Variants in EIF4A2 observed in about 807,000 individuals in gnomAD.
EIF4A2 encodes eukaryotic initiation factor 4A-II.
In EIF4A2, 9 loss-of-function variants were observed where a neutral mutation model predicts 50.6. The ratio of observed to expected loss-of-function variants is 0.18; its 90% confidence interval spans 0.11 to 0.31. EIF4A2 has a LOEUF of 0.31. EIF4A2 is among the 10% of genes least tolerant of loss of function. EIF4A2 has a pLI of 1.00. For missense variants in EIF4A2, 182 were observed against 501.8 expected (o/e 0.36, Z 6.09); for synonymous variants, 215 against 164.4 (o/e 1.31, Z -2.35).
At chr3:186,788,827 T>C (rs1721945714) in intron 10 of EIF4A2, 2 of 308,120 alleles carry the variant, frequency 6.5e-6, no homozygotes, top group Admixed American at 4.8e-5. Context: ...TGGCCCACTT[T>C]GGTATGGGCT....
At position 186,784,966 on chromosome 3, in the gene EIF4A2, T is replaced by C. The variant is rs1721608092; in HGVS notation, c.213T>C (p.Tyr71=). The C allele has an allele frequency of 6.2e-7, 1 of 1,614,094 alleles. No individual in the cohort carries two copies. The highest frequency in any genetic ancestry group is 1.3e-5 in the African/African-American group (1 of 74,934). ...QRAIIPCIKG[Y]DVIAQAQSGT... The stretch of plus-strand genomic sequence containing the variant: ...TGTGTATCCTACTTTTTTTAGGGTA[T>C]GATGTGATTGCTCAAGCTCAGTCAG... The change falls in exon 4 of 11, where the codon TAT becomes TAC. Residue 71 remains tyrosine, a synonymous_variant. Coordinates refer to ENST00000323963, the MANE Select transcript of EIF4A2 (RefSeq NM_001967.4).
intron 4 of EIF4A2, 148 bp from the exon 5 acceptor site, chr3:186,785,735 G>C: frequency 3.0e-6 from 3 of 995,968 alleles, no homozygotes; most frequent in South Asian, 4.1e-5. Context: ...GCAGCAGTTA[G>C]GTCGTCTGCA....
rs1197096032 is a variant in EIF4A2, at chr3:186,787,895, CA to C, written c.1079+14del. 1.2e-6 allele frequency: 2 copies of C among 1,612,648 alleles called. No individual in the cohort carries two copies. The highest frequency in any genetic ancestry group is 1.7e-6 in the Non-Finnish European group (2 of 1,179,596). On this transcript the variant is annotated intron_variant, in intron 10 of 10. Coordinates refer to ENST00000323963, the MANE Select transcript of EIF4A2 (RefSeq NM_001967.4). The stretch of plus-strand genomic sequence containing the variant: ...ACTATATTCACAGGTGAGAAGCCAG[CA>C]TCTTGGCTGTATTGAAAAAAATTCA...
Position 186,787,850 on chromosome 3 carries a change from TCTAC to T in EIF4A2, c.1053_1056del (p.Thr352IlefsTer22). Reference sequence around the variant, plus strand: ...AAGTGTCTTTGGTTATAAATTATGATCTACCTACCAATCGTGAAAACTATATTCA... The same window carrying T: ...AAGTGTCTTTGGTTATAAATTATGATCTACCAATCGTGAAAACTATATTCA... On this transcript the variant is annotated frameshift_variant, in exon 10 of 11. Transcript: ENST00000323963. LOFTEE classifies it high-confidence loss of function. 6.2e-7 allele frequency: 1 copy of T among 1,613,870 alleles called. No individual in the cohort carries two copies. Among genetic ancestry groups the T allele is most frequent in the Non-Finnish European group, 8.5e-7 (1 of 1,179,962 alleles).
At position 186,783,581 on chromosome 3, in the gene EIF4A2, T is replaced by C. The variant is rs1344595321; in HGVS notation, c.-30T>C. 1.9e-6 allele frequency: 3 copies of C among 1,614,178 alleles called. No individual in the cohort carries two copies. The highest frequency in any genetic ancestry group is 2.2e-5 in the East Asian group (1 of 44,888). The stretch of plus-strand genomic sequence containing the variant: ...CGGGTGGTTGGGCGCCGCTGTCTTT[T>C]CAGTCGGGCGCTGAGTGGTTTTTCG... On this transcript the variant is annotated 5_prime_UTR_variant, in exon 1 of 11. Transcript: ENST00000323963.
chr3:186,787,764 T>C, intron 9 of EIF4A2, 39 bp from the exon 10 acceptor site: 1 of 1,613,934 alleles, frequency 6.2e-7, no homozygotes, highest in Non-Finnish European at 8.5e-7. Flanking sequence ...GTGTCAAGTT[T>C]TTTTGAATCA....
chr3:186,784,423 T>G lies in EIF4A2; in HGVS notation c.30-9T>G. The G allele has an allele frequency of 6.2e-7, 1 of 1,614,192 alleles. No individual in the cohort carries two copies. Among genetic ancestry groups the G allele is most frequent in the Non-Finnish European group, 8.5e-7 (1 of 1,180,030 alleles). On this transcript the variant is annotated splice_polypyrimidine_tract_variant and intron_variant, in intron 1 of 10. Transcript: ENST00000323963. ...AAGGGGTGTCTGACTGCAGTATTCTTGTCAGCAGAGAACATGGCGGCCCAG... is the reference window on the plus strand; with the variant it reads ...AAGGGGTGTCTGACTGCAGTATTCTGGTCAGCAGAGAACATGGCGGCCCAG...
chr3:186,788,142 T>C, intron 10 of EIF4A2: 1 of 672,170 alleles, frequency 1.5e-6, no homozygotes, highest in African/African-American at 1.8e-5. Flanking sequence ...AGTGATGTTC[T>C]TGTGTCCATG....
intron 7 of EIF4A2, 82 bp from the exon 8 acceptor site, chr3:186,787,045 C>T (rs566490580): frequency 2.5e-6 from 4 of 1,581,674 alleles, no homozygotes; most frequent in Non-Finnish European, 3.4e-6. Context: ...GGCATTAGCA[C>T]TGTGGCTGGC....
intron 3 of EIF4A2, 97 bp from the exon 4 acceptor site, chr3:186,784,865 G>C: frequency 6.2e-7 from 1 of 1,605,514 alleles, no homozygotes; most frequent in African/African-American, 1.3e-5. Flanking sequence ...CTGATCACTT[G>C]ATTATTTGGG....
intron 1 of EIF4A2, chr3:186,783,880 G>A (rs1721518189): frequency 3.4e-6 from 2 of 590,848 alleles, no homozygotes; most frequent in South Asian, 2.2e-5. Flanking sequence ...ACGAAACTTC[G>A]GCTGCTTTCC....
Position 186,789,652 on chromosome 3 carries a change from TTTA to T in EIF4A2, c.*386_*388del, listed in dbSNP as rs1030053624. ...ATTATGTTAAACTAGCATATCTGCCTTTATTGTGTTTGTCATTAGCCTGAGTAG... is the reference window on the plus strand; with the variant it reads ...ATTATGTTAAACTAGCATATCTGCCTTTGTGTTTGTCATTAGCCTGAGTAG... On this transcript the variant is annotated 3_prime_UTR_variant, in exon 11 of 11. Coordinates refer to ENST00000323963, the MANE Select transcript of EIF4A2 (RefSeq NM_001967.4). The T allele has an allele frequency of 2.9e-6, 1 of 347,276 alleles. No homozygotes were observed. Among genetic ancestry groups the T allele is most frequent in the African/African-American group, 2.1e-5 (1 of 47,544 alleles). The allele number at this position is 347,276 out of a possible 1,614,324, so 21.5% of individuals were successfully genotyped here. A position where few individuals can be genotyped will look rare whatever the true frequency, so the allele number is the denominator to read the frequency against.
intron 8 of EIF4A2, 106 bp from the exon 9 acceptor site, chr3:186,787,389 T>C (rs1369968685): frequency 1.7e-5 from 27 of 1,607,424 alleles, no homozygotes; most frequent in Non-Finnish European, 2.3e-5. Flanking sequence ...TATACCTGTC[T>C]GCTATTCTCC....
intron 4 of EIF4A2, 181 bp downstream of exon 4, chr3:186,785,282 G>C: frequency 1.2e-6 from 1 of 815,008 alleles, no homozygotes; most frequent in Non-Finnish European, 1.9e-6. Context: ...GGTATGGTTT[G>C]TAGGGTTGTA....
Position 186,785,745 on chromosome 3 carries a change from A to T in EIF4A2, c.349-138A>T. ...ACCTTGCAGCAGTTAGGTCGTCTGCATTTTAAGCTTGGAAGTAGTTTTGTG... is the reference window on the plus strand; with the variant it reads ...ACCTTGCAGCAGTTAGGTCGTCTGCTTTTTAAGCTTGGAAGTAGTTTTGTG... On this transcript the variant is annotated intron_variant, in intron 4 of 10. Transcript: ENST00000323963. 3.5e-6 allele frequency: 4 copies of T among 1,131,472 alleles called. No individual in the cohort carries two copies. The South Asian group carries it at 7.6e-5, about 21-fold the overall frequency. The allele number at this position is 1,131,472 out of a possible 1,614,324, so 70.1% of individuals were successfully genotyped here.
rs1553797707 is a variant in EIF4A2 at position 186,784,951 on chromosome 3, A to C, written c.209-11A>C. On this transcript the variant is annotated splice_polypyrimidine_tract_variant and intron_variant, in intron 3 of 10. Coordinates refer to ENST00000323963, the MANE Select transcript of EIF4A2 (RefSeq NM_001967.4). ...TGTGGGATCGGTAAATGTGTATCCT[A>C]CTTTTTTTAGGGTATGATGTGATTG... The C allele has an allele frequency of 1.2e-6, 2 of 1,614,136 alleles. No homozygotes were observed. The highest frequency in any genetic ancestry group is 1.7e-6 in the Non-Finnish European group (2 of 1,180,008).
chr3:186,784,482 G>T lies in EIF4A2; in HGVS notation c.75+5G>T, dbSNP rs1560083508. 1 of 1,614,258 alleles carries T rather than the reference G, an allele frequency of 6.2e-7. No homozygotes were observed. On this transcript the variant is annotated splice_donor_5th_base_variant and intron_variant, in intron 2 of 10. Transcript: ENST00000323963. The stretch of plus-strand genomic sequence containing the variant: ...GACCCCGATGGTGTCATCGAGGTAA[G>T]AAACGGTTGTGGATCTTGAAGCTTT...
chr3:186,784,112 C>T (rs992511227), intron 1 of EIF4A2: 3 of 489,344 alleles, frequency 6.1e-6, no homozygotes, highest in South Asian at 2.3e-5. Flanking sequence ...TGGCATCGCC[C>T]TCGCCAGGCC....
intron 4 of EIF4A2, chr3:186,785,557 T>C: frequency 3.1e-6 from 1 of 318,178 alleles, no homozygotes; most frequent in Admixed American, 4.4e-5. Flanking sequence ...GGGAAAAAAA[T>C]CATTTGCCCT....
Sources: allele counts gnomAD v4.1 joint callset, GRCh38; gene constraint gnomAD v4.1.1; transcripts MANE v1.5; gene names NCBI Gene and HGNC (gene_info 2026-07-23, HGNC 2026-07-21).